The following DENND2A variants were observed in gnomAD, a reference collection of about 807,000 sequenced individuals.
DENND2A encodes the protein DENN domain-containing protein 2A.
DENND2A carries 53 observed loss-of-function variants against 105.3 expected under a neutral mutation model. That is an observed-to-expected ratio of 0.50 (90% CI 0.40 to 0.63). The LOEUF (loss-of-function observed/expected upper bound fraction) is 0.63, where lower values mean the gene tolerates loss of function less well. Ranked by LOEUF, DENND2A falls within the 30% of genes least tolerant of loss-of-function variation. The pLI is 0.00. For missense variants in DENND2A, 1,138 were observed against 1,279.6 expected (o/e 0.89, Z 1.69); for synonymous variants, 522 against 508.4 (o/e 1.03, Z -0.36).
At chr7:140,620,628 T>C (rs1473600244) in intron 1 of DENND2A, among the ~76,000 whole-genome samples, 1 of 152,218 alleles carries the variant, frequency 6.6e-6, no homozygotes, top group Admixed American at 6.5e-5. Flanking sequence ...GGGTCTGCCC[T>C]GCGGTGCCCA....
At chr7:140,562,497 T>C (rs919180922) in intron 9 of DENND2A, among the ~76,000 whole-genome samples, 4 of 151,920 alleles carry the variant, frequency 2.6e-5, no homozygotes, top group African/African-American at 9.7e-5. Flanking sequence ...CCGTCTCTAC[T>C]AAAAATACAA....
intron 3 of DENND2A, among the ~76,000 whole-genome samples, chr7:140,590,151 A>G (rs1303458948): frequency 1.3e-5 from 2 of 152,130 alleles, no homozygotes; most frequent in Non-Finnish European, 2.9e-5. Flanking sequence ...GCACTTTGGG[A>G]GGCCGAGGCG....
rs184261633 is a variant in DENND2A, at chr7:140,553,123, G to A, written c.2037+2513C>T. 5.9e-3 allele frequency among the ~76,000 whole-genome samples: 895 copies of A among 152,236 alleles called. 14 individuals carry two copies. Among genetic ancestry groups the A allele is most frequent in the African/African-American group, 0.02 (844 of 41,540 alleles). ...AGGGAACCAGCGTTCAGCATATGGA[G>A]GATCCCGCCAGCCTCTGAGTTCCCT... On this transcript the variant is annotated intron_variant, in intron 12 of 19. Coordinates refer to ENST00000496613, the MANE Select transcript of DENND2A (RefSeq NM_015689.5).
At chr7:140,638,884 G>A (rs1801062161) in intron 1 of DENND2A, among the ~76,000 whole-genome samples, 1 of 152,200 alleles carries the variant, frequency 6.6e-6, no homozygotes. Flanking sequence ...AGGCTGGGCA[G>A]GACTGGTTTT....
chr7:140,602,366 C>T lies in DENND2A; in HGVS notation c.32G>A (p.Ser11Asn), dbSNP rs1048424441. The change falls in exon 3 of 20, where the codon AGT becomes AAT. Residue 11 changes from serine to asparagine, a missense_variant. Physicochemically the swap from Ser to Asn is conservative, Grantham distance 46 (BLOSUM62 1). Coordinates refer to ENST00000496613, the MANE Select transcript of DENND2A (RefSeq NM_015689.5). ...CCTGCTGGCTTCTGCAGCTGGGTCA[C>T]TGATGATCATATCCAAGCTGAACAT... is the stretch of plus-strand genomic sequence containing the variant. MDMFSLDMII[S>N]DPAAEASRAG... is the part of the protein sequence containing the mutation. The T allele has an allele frequency of 6.3e-7, 1 of 1,588,462 alleles. No individual in the cohort carries two copies. The highest frequency in any genetic ancestry group is 1.7e-5 in the Admixed American group (1 of 59,286).
intron 1 of DENND2A, among the ~76,000 whole-genome samples, chr7:140,608,953 T>C (rs1210157151): frequency 1.3e-5 from 2 of 152,078 alleles, no homozygotes; most frequent in African/African-American, 4.8e-5. Flanking sequence ...CATTTAAATA[T>C]GGTAAATCAA....
rs983042598 is a variant in DENND2A, at chr7:140,584,965, A to G, written c.1245+624T>C. On this transcript the variant is annotated intron_variant, in intron 5 of 19. Coordinates refer to ENST00000496613, the MANE Select transcript of DENND2A (RefSeq NM_015689.5). ...TGTAATCCCAGCACTTTGGGAGGCC[A>G]AGGCAGCTGGATCACTTGAGCCTAG... Among the ~76,000 whole-genome samples, 5 of 152,286 alleles carry G rather than the reference A, an allele frequency of 3.3e-5. No individual in the cohort carries two copies. In the South Asian group the frequency reaches 6.2e-4, roughly 19 times the overall value.
At chr7:140,554,556 A>T (rs1474248091) in intron 12 of DENND2A, among the ~76,000 whole-genome samples, 1 of 152,124 alleles carries the variant, frequency 6.6e-6, no homozygotes, top group Non-Finnish European at 1.5e-5. Context: ...GAATCGCTTG[A>T]ACCCGGGAGG....
intron 3 of DENND2A, among the ~76,000 whole-genome samples, chr7:140,599,452 T>G (rs1446096400): frequency 1.3e-5 from 2 of 152,058 alleles, no homozygotes; most frequent in African/African-American, 2.4e-5. Context: ...TCACACATAT[T>G]GAACAGGCTC....
chr7:140,546,223 T>G (rs1796896890), intron 13 of DENND2A, among the ~76,000 whole-genome samples: 1 of 151,904 alleles, frequency 6.6e-6, no homozygotes, highest in Non-Finnish European at 1.5e-5. Flanking sequence ...TTTGAGACCA[T>G]CCTGGCCAAC....
chr7:140,598,584 A>G (rs1709458670), intron 3 of DENND2A, among the ~76,000 whole-genome samples: 1 of 152,114 alleles, frequency 6.6e-6, no homozygotes, highest in Non-Finnish European at 1.5e-5. Context: ...ATTAGAAATA[A>G]TAAGAAATTT....
rs140428189 is a variant in DENND2A at position 140,523,101 on chromosome 7, A to G, written c.2665+206T>C. 1.3e-5 allele frequency among the ~76,000 whole-genome samples: 2 copies of G among 152,210 alleles called. No homozygotes were observed. The highest frequency in any genetic ancestry group is 2.9e-5 in the Non-Finnish European group (2 of 68,006). On this transcript the variant is annotated intron_variant, in intron 17 of 19. Coordinates refer to ENST00000496613, the MANE Select transcript of DENND2A (RefSeq NM_015689.5). The surrounding 1 kb of genome is among the most constrained non-coding windows in gnomAD (Gnocchi z 4.5). ...TTCCACGCCCCCCTTTTAAACAGGT[A>G]CTTTAAGGCCAAAATGGGGGAGGTG...
intron 1 of DENND2A, among the ~76,000 whole-genome samples, chr7:140,631,967 T>A (rs550670307): frequency 3.3e-5 from 5 of 152,224 alleles, no homozygotes; most frequent in Non-Finnish European, 5.9e-5. Flanking sequence ...GTTCTATGTC[T>A]TAGGCTGTCC....
chr7:140,520,101 C>T (rs1399270737), intron 18 of DENND2A, among the ~76,000 whole-genome samples: 2 of 151,936 alleles, frequency 1.3e-5, no homozygotes, highest in African/African-American at 4.8e-5. Flanking sequence ...ATCAGGAGTT[C>T]GAGGCCAGCC....
Position 140,629,255 on chromosome 7 carries a change from G to A in DENND2A, c.-248+11249C>T, listed in dbSNP as rs149122183. ...GTGGAGGAATACATTCGAACACGGT[G>A]GCAAATGTTATGAAACAAATATAAA... On this transcript the variant is annotated intron_variant, in intron 1 of 19. Coordinates refer to ENST00000496613, the MANE Select transcript of DENND2A (RefSeq NM_015689.5). Among the ~76,000 whole-genome samples, 124 of 152,292 alleles carry A rather than the reference G, an allele frequency of 8.1e-4. 1 individual carries two copies. The highest frequency in any genetic ancestry group is 2.6e-3 in the African/African-American group (109 of 41,560).
In DENND2A at chr7:140,555,034, G is replaced by T. The variant is rs569691977; in HGVS notation, c.2037+602C>A. Among the ~76,000 whole-genome samples the T allele has an allele frequency of 3.3e-5, 5 of 152,006 alleles. No individual in the cohort carries two copies. In the South Asian group the frequency reaches 1.0e-3, roughly 32 times the overall value. On this transcript the variant is annotated intron_variant, in intron 12 of 19. Transcript: ENST00000496613. ...TCAGAAGAAGAAAAATAAAACACCT[G>T]GAATATTCTGGGAGGGTCTTCCACC...
chr7:140,584,372 G>A (rs1798687223), intron 5 of DENND2A, among the ~76,000 whole-genome samples: 1 of 152,176 alleles, frequency 6.6e-6, no homozygotes, highest in African/African-American at 2.4e-5. Flanking sequence ...GAGACCATAT[G>A]GCCCACACAG....
chr7:140,559,593 G>A lies in DENND2A; in HGVS notation c.1889+115C>T. 2 of 750,340 alleles carry A rather than the reference G, an allele frequency of 2.7e-6. No individual in the cohort carries two copies. Among genetic ancestry groups the A allele is most frequent in the Non-Finnish European group, 4.5e-6 (2 of 445,214 alleles). 46.5% of individuals were successfully genotyped at this position (750,340 alleles called of 1,614,324 possible). A position where few individuals can be genotyped will look rare whatever the true frequency, so the allele number is the denominator to read the frequency against. ...ACCCCTTGGGGAAAGCTCTAGGCCA[G>A]GCCCATCAGGATTACTTAACGGTGG... is the stretch of plus-strand genomic sequence containing the variant. On this transcript the variant is annotated intron_variant, in intron 10 of 19. Transcript: ENST00000496613. The surrounding 1 kb of genome is among the most constrained non-coding windows in gnomAD (Gnocchi z 4.1).
At chr7:140,531,396 T>C (rs1331144700) in intron 14 of DENND2A, among the ~76,000 whole-genome samples, 1 of 152,192 alleles carries the variant, frequency 6.6e-6, no homozygotes, top group Non-Finnish European at 1.5e-5. Context: ...AGCCCATTAG[T>C]GGGTCTTGAA....
Sources: allele counts gnomAD v4.1 joint callset (sites outside exome capture counted in the v4.1 genomes callset), GRCh38; gene constraint gnomAD v4.1.1; non-coding constraint Gnocchi (gnomAD v3.1); transcripts MANE v1.5; gene names NCBI Gene and HGNC (gene_info 2026-07-23, HGNC 2026-07-21).